The following SLCO6A1 variants were observed in gnomAD, a reference collection of about 807,000 sequenced individuals.
SLCO6A1 encodes the protein cancer/testis antigen 48.
A neutral mutation model predicts 72.7 loss-of-function variants in SLCO6A1; 65 were observed. The observed-to-expected ratio is 0.89, with a 90% CI of 0.73 to 1.10. SLCO6A1 has a LOEUF of 1.10. Ranked by LOEUF, SLCO6A1 falls within the 50% of genes least tolerant of loss-of-function variation. SLCO6A1 has a pLI of 0.00. For missense variants in SLCO6A1, 874 were observed against 872.6 expected (o/e 1.00, Z -0.02); for synonymous variants, 314 against 298.2 (o/e 1.05, Z -0.55).
chr5:102,490,573 G>A lies in SLCO6A1; in HGVS notation c.358+7914C>T, dbSNP rs1038090523. Reference sequence around the variant, plus strand: ...CAAGAATGAAACCGCGGACCCTCACGGTGAGTGTTACAGTTCTTAAAGGCG... The same window carrying A: ...CAAGAATGAAACCGCGGACCCTCACAGTGAGTGTTACAGTTCTTAAAGGCG... On this transcript the variant is annotated intron_variant, in intron 1 of 13. Transcript: ENST00000506729. Among the ~76,000 whole-genome samples the A allele has an allele frequency of 3.9e-5, 6 of 152,140 alleles. No homozygotes were observed. In the East Asian group the frequency reaches 7.7e-4, roughly 20 times the overall value.
intron 7 of SLCO6A1, among the ~76,000 whole-genome samples, chr5:102,427,632 T>C (rs1245344380): frequency 1.3e-5 from 2 of 151,790 alleles, no homozygotes; most frequent in African/African-American, 2.4e-5. Context: ...CTAAATATAG[T>C]GTAGTATCTT....
intron 1 of SLCO6A1, among the ~76,000 whole-genome samples, chr5:102,482,742 G>A (rs1318158534): frequency 6.6e-6 from 1 of 152,162 alleles, no homozygotes; most frequent in African/African-American, 2.4e-5. Flanking sequence ...TGGTAATACT[G>A]CTTTATATGG....
intron 4 of SLCO6A1, among the ~76,000 whole-genome samples, chr5:102,460,623 C>A (rs1453846844): frequency 1.3e-5 from 2 of 152,024 alleles, no homozygotes; most frequent in East Asian, 3.9e-4. Flanking sequence ...CTACTTCACA[C>A]ACATTTAAGA....
At chr5:102,483,804 C>T (rs1404848281) in intron 1 of SLCO6A1, among the ~76,000 whole-genome samples, 1 of 152,154 alleles carries the variant, frequency 6.6e-6, no homozygotes, top group African/African-American at 2.4e-5. Flanking sequence ...TTCTCAGGTT[C>T]ACCAAATTTC....
At chr5:102,399,052 GA>G (rs1747254610) in intron 10 of SLCO6A1, among the ~76,000 whole-genome samples, 2 of 151,704 alleles carry the variant, frequency 1.3e-5, no homozygotes, top group African/African-American at 4.8e-5. Flanking sequence ...ATATTAAATG[GA>G]TTTCATATAT....
At chr5:102,407,886 C>T (rs187213025) in intron 9 of SLCO6A1, among the ~76,000 whole-genome samples, 83 of 152,248 alleles carry the variant, frequency 5.5e-4, no homozygotes, top group Non-Finnish European at 8.8e-5. Context: ...GAAAGGAGCA[C>T]AACTCAGCTA....
At chr5:102,402,983 A>T (rs910343385) in intron 9 of SLCO6A1, among the ~76,000 whole-genome samples, 3 of 152,174 alleles carry the variant, frequency 2.0e-5, no homozygotes, top group Non-Finnish European at 4.4e-5. Flanking sequence ...AAAACCAAAG[A>T]ATTTTCTTTG....
At chr5:102,464,654 G>A (rs1191442721) in intron 4 of SLCO6A1, among the ~76,000 whole-genome samples, 5 of 152,180 alleles carry the variant, frequency 3.3e-5, no homozygotes, top group African/African-American at 1.2e-4. Flanking sequence ...GAAGTTAAGT[G>A]AACTCTACAG....
At chr5:102,386,421 A>C (rs1746420959) in intron 12 of SLCO6A1, among the ~76,000 whole-genome samples, 1 of 152,124 alleles carries the variant, frequency 6.6e-6, no homozygotes, top group Admixed American at 6.5e-5. Flanking sequence ...GTTCTAAAGC[A>C]TGGGTCTGCA....
chr5:102,438,776 A>G lies in SLCO6A1; in HGVS notation c.1132-15T>C, dbSNP rs758398052. On this transcript the variant is annotated splice_polypyrimidine_tract_variant and intron_variant, in intron 6 of 13. Coordinates refer to ENST00000506729, the MANE Select transcript of SLCO6A1 (RefSeq NM_173488.5). The stretch of plus-strand genomic sequence containing the variant: ...TTCATCAGAATCTGAAATAAAAATA[A>G]GTTATATATCTATTATTTTATTTTG... 4.7e-6 allele frequency: 7 copies of G among 1,499,420 alleles called. No individual in the cohort carries two copies. In the Middle Eastern group the frequency reaches 1.2e-3, roughly 250 times the overall value. 92.9% of individuals were successfully genotyped at this position (1,499,420 alleles called of 1,614,324 possible). A position where few individuals can be genotyped will look rare whatever the true frequency, so the allele number is the denominator to read the frequency against.
intron 12 of SLCO6A1, among the ~76,000 whole-genome samples, chr5:102,374,148 C>G (rs893611862): frequency 6.6e-6 from 1 of 151,926 alleles, no homozygotes; most frequent in Admixed American, 6.6e-5. Flanking sequence ...AGCGATCCTC[C>G]CACTTCAGCA....
At chr5:102,380,664 A>G (rs946788068) in intron 12 of SLCO6A1, among the ~76,000 whole-genome samples, 6 of 152,176 alleles carry the variant, frequency 3.9e-5, no homozygotes, top group Admixed American at 3.3e-4. Flanking sequence ...GCACTATTCA[A>G]TAAAGTAGCC....
At chr5:102,440,291 G>A (rs540305743) in intron 6 of SLCO6A1, among the ~76,000 whole-genome samples, 6 of 152,284 alleles carry the variant, frequency 3.9e-5, no homozygotes, top group African/African-American at 1.4e-4. Context: ...CGTGCAGCAG[G>A]AGGTGAGTGG....
intron 1 of SLCO6A1, among the ~76,000 whole-genome samples, chr5:102,493,429 C>G (rs1346956369): frequency 6.6e-6 from 1 of 152,056 alleles, no homozygotes; most frequent in Non-Finnish European, 1.5e-5. Flanking sequence ...GGAAAAAGCA[C>G]ATGATAAAAT....
At chr5:102,473,135 A>C (rs1751715088) in intron 4 of SLCO6A1, among the ~76,000 whole-genome samples, 1 of 152,038 alleles carries the variant, frequency 6.6e-6, no homozygotes, top group African/African-American at 2.4e-5. Flanking sequence ...CTATGTGGCC[A>C]ACATACTCTA....
chr5:102,453,004 T>G (rs916867476), intron 6 of SLCO6A1, among the ~76,000 whole-genome samples: 3 of 152,182 alleles, frequency 2.0e-5, no homozygotes, highest in Non-Finnish European at 2.9e-5. Context: ...GCAAGTTAAG[T>G]TCCTCCAAAT....
At chr5:102,454,881 T>C (rs896092812) in intron 6 of SLCO6A1, among the ~76,000 whole-genome samples, 1 of 150,850 alleles carries the variant, frequency 6.6e-6, no homozygotes, top group Non-Finnish European at 1.5e-5. Context: ...ATGTAACCAA[T>C]TAGGAGGGAT....
intron 11 of SLCO6A1, among the ~76,000 whole-genome samples, chr5:102,390,402 T>G (rs1456233068): frequency 6.6e-6 from 1 of 152,128 alleles, no homozygotes; most frequent in East Asian, 1.9e-4. Context: ...CGCACTTAGA[T>G]TTTTCTACAT....
intron 6 of SLCO6A1, among the ~76,000 whole-genome samples, chr5:102,454,997 A>AATATATATAAATATATATATAT: frequency 1.2e-5 from 1 of 81,002 alleles, no homozygotes; most frequent in South Asian, 3.9e-4. Flanking sequence ...AGTATAACAA[A>AATATATATAAATATATATATAT]ATATATATAA....
Sources: gnomAD v4.1 joint callset for allele counts (sites outside exome capture counted in the v4.1 genomes callset) on GRCh38, gnomAD v4.1.1 for gene constraint, MANE v1.5 for transcripts, NCBI Gene and HGNC (gene_info 2026-07-23, HGNC 2026-07-21) for gene names.